CNTN4: variants seen among roughly 807,000 people sequenced by gnomAD.
CNTN4 encodes the protein contactin-4.
Under a neutral mutation model 122.5 loss-of-function variants are expected in CNTN4, and 77 were observed. That is an observed-to-expected ratio of 0.63 (90% confidence interval 0.52 to 0.76). CNTN4 has a LOEUF of 0.76. Ranked by LOEUF, CNTN4 falls within the 30% of genes least tolerant of loss-of-function variation. CNTN4 has a pLI of 0.00. For missense variants in CNTN4, 1,256 were observed against 1,259.1 expected (o/e 1.00, Z 0.04); for synonymous variants, 512 against 447.0 (o/e 1.15, Z -1.83).
At chr3:2,721,529 C>T (rs1484801787) in intron 4 of CNTN4, among the ~76,000 whole-genome samples, 1 of 152,148 alleles carries the variant, frequency 6.6e-6, no homozygotes. Flanking sequence ...TCCGGCATTG[C>T]TCTTCCTGCA....
At chr3:2,754,684 C>T (rs551160245) in intron 6 of CNTN4, among the ~76,000 whole-genome samples, 3 of 151,334 alleles carry the variant, frequency 2.0e-5, no homozygotes, top group Admixed American at 2.0e-4. Context: ...TTTGGCCTTC[C>T]TGTGACTTCA....
chr3:2,644,898 G>A (rs2083052462), intron 4 of CNTN4, among the ~76,000 whole-genome samples: 1 of 149,906 alleles, frequency 6.7e-6, no homozygotes, highest in Non-Finnish European at 1.5e-5. Flanking sequence ...GTATTATTCT[G>A]CTTGTTCCCA....
chr3:2,996,247 G>A (rs945393140), intron 14 of CNTN4, among the ~76,000 whole-genome samples: 1 of 152,060 alleles, frequency 6.6e-6, no homozygotes, highest in African/African-American at 2.4e-5. Context: ...TCTAATTCTG[G>A]AAGAGGGAAT....
intron 3 of CNTN4, among the ~76,000 whole-genome samples, chr3:2,378,007 G>A (rs1365069960): frequency 1.3e-5 from 2 of 152,142 alleles, no homozygotes; most frequent in Non-Finnish European, 2.9e-5. Flanking sequence ...GGTTTTTTCA[G>A]TTGTCTGTAT....
At chr3:2,221,569 A>G (rs944676538) in intron 2 of CNTN4, among the ~76,000 whole-genome samples, 8 of 152,028 alleles carry the variant, frequency 5.3e-5, no homozygotes, top group African/African-American at 1.7e-4. Flanking sequence ...AAATTAAAAA[A>G]AATTTCCTTC....
At chr3:2,233,736 G>A (rs1056835388) in intron 2 of CNTN4, among the ~76,000 whole-genome samples, 2 of 151,958 alleles carry the variant, frequency 1.3e-5, no homozygotes, top group Admixed American at 1.3e-4. Flanking sequence ...GGACATGAAG[G>A]TCATCTAGCT....
intron 3 of CNTN4, among the ~76,000 whole-genome samples, chr3:2,481,083 T>TTCTC (rs1472540697): frequency 2.0e-5 from 3 of 146,564 alleles, no homozygotes; most frequent in African/African-American, 7.7e-5. Flanking sequence ...CTTTCTCTCT[T>TTCTC]TCTCTCTTTC....
chr3:2,890,135 G>C (rs2094022169), intron 10 of CNTN4, among the ~76,000 whole-genome samples: 2 of 152,162 alleles, frequency 1.3e-5, no homozygotes, highest in South Asian at 4.1e-4. Flanking sequence ...CACAGCACTT[G>C]GCTATTGCAT....
chr3:2,719,182 G>A (rs536284646), intron 4 of CNTN4, among the ~76,000 whole-genome samples: 8 of 152,026 alleles, frequency 5.3e-5, no homozygotes, highest in Admixed American at 1.3e-4. Context: ...AACACGGTAC[G>A]TACTCAGAAA....
intron 2 of CNTN4, among the ~76,000 whole-genome samples, chr3:2,131,214 C>G (rs143265758): frequency 6.6e-6 from 1 of 152,052 alleles, no homozygotes; most frequent in Non-Finnish European, 1.5e-5. Flanking sequence ...ATACATACAC[C>G]TAGTAAGAAA....
chr3:2,484,190 A>G lies in CNTN4; in HGVS notation c.-88-87226A>G, dbSNP rs191762913. On this transcript the variant is annotated intron_variant, in intron 3 of 24. Coordinates refer to ENST00000418658, the MANE Select transcript of CNTN4 (RefSeq NM_175607.3). ...GAAAAAAATACACAGACAGCAAATA[A>G]TTATATGAAAAGATGCTACACACCA... is the stretch of plus-strand genomic sequence containing the variant. Among the ~76,000 whole-genome samples the G allele has an allele frequency of 3.2e-3, 491 of 152,312 alleles. 2 individuals carry two copies. Among genetic ancestry groups the G allele is most frequent in the Middle Eastern group, 0.017 (5 of 294 alleles).
chr3:2,381,896 C>A (rs1260919568), intron 3 of CNTN4, among the ~76,000 whole-genome samples: 1 of 151,954 alleles, frequency 6.6e-6, no homozygotes, highest in South Asian at 2.1e-4. Flanking sequence ...GGTTCTAAGA[C>A]CAAATTGTCT....
intron 4 of CNTN4, among the ~76,000 whole-genome samples, chr3:2,633,919 A>G (rs1425603593): frequency 1.3e-5 from 2 of 152,250 alleles, no homozygotes; most frequent in Non-Finnish European, 2.9e-5. Context: ...TTTTCTACTT[A>G]AAGTTCCATT....
chr3:2,156,584 C>A (rs887788011), intron 2 of CNTN4, among the ~76,000 whole-genome samples: 1 of 152,056 alleles, frequency 6.6e-6, no homozygotes, highest in African/African-American at 2.4e-5. Flanking sequence ...ATATGAAGCC[C>A]GGTTTGGAGA....
At position 2,336,547 on chromosome 3, in the gene CNTN4, A is replaced by C. The variant is rs145140081; in HGVS notation, c.-144-2631A>C. ...CAGGACTTTGTATTACTCACAGAAA[A>C]CTTAGCTTCAGTGGGCTTATGATTT... is the stretch of plus-strand genomic sequence containing the variant. On this transcript the variant is annotated intron_variant, in intron 2 of 24. Transcript: ENST00000418658. 2.3e-3 allele frequency among the ~76,000 whole-genome samples: 344 copies of C among 152,280 alleles called. 2 individuals carry two copies. Among genetic ancestry groups the C allele is most frequent in the African/African-American group, 7.7e-3 (321 of 41,552 alleles).
intron 3 of CNTN4, among the ~76,000 whole-genome samples, chr3:2,425,676 C>T (rs1166638267): frequency 1.3e-5 from 2 of 152,152 alleles, no homozygotes; most frequent in Non-Finnish European, 2.9e-5. Context: ...TGGCCATTTT[C>T]ACGATATTGA....
intron 6 of CNTN4, among the ~76,000 whole-genome samples, chr3:2,748,097 A>T (rs1450262830): frequency 1.3e-5 from 2 of 152,216 alleles, no homozygotes; most frequent in Non-Finnish European, 1.5e-5. Flanking sequence ...AATGCACAGA[A>T]TTCCATATAT....
intron 4 of CNTN4, among the ~76,000 whole-genome samples, chr3:2,726,807 C>T (rs951325503): frequency 6.6e-6 from 1 of 152,052 alleles, no homozygotes; most frequent in African/African-American, 2.4e-5. Context: ...ACGTGATGGA[C>T]CCTGATGTGA....
intron 4 of CNTN4, among the ~76,000 whole-genome samples, chr3:2,699,942 AAGG>A (rs1372018228): frequency 2.6e-5 from 4 of 152,106 alleles, no homozygotes; most frequent in Non-Finnish European, 5.9e-5. Context: ...TGAGTTGATG[AAGG>A]AGATGATGTC....
Sources: gnomAD v4.1 joint callset for allele counts (sites outside exome capture counted in the v4.1 genomes callset) on GRCh38, gnomAD v4.1.1 for gene constraint, MANE v1.5 for transcripts, NCBI Gene and HGNC (gene_info 2026-07-23, HGNC 2026-07-21) for gene names.